Variants in LMNB2 observed in about 807,000 individuals in gnomAD.
LMNB2 encodes lamin B2.
Under a neutral mutation model 69.3 loss-of-function variants are expected in LMNB2, and 17 were observed. The observed-to-expected ratio is 0.25, with a 90% confidence interval of 0.17 to 0.37. The LOEUF (loss-of-function observed/expected upper bound fraction) is 0.37. Among genes scored for constraint, LMNB2 ranks in the 10% least tolerant of loss-of-function variants. The pLI, the probability that LMNB2 is intolerant of heterozygous loss-of-function variation, is 1.00. For synonymous variants in LMNB2, 397 were observed against 389.3 expected (o/e 1.02, Z -0.23); for missense variants, 789 against 883.6 (o/e 0.89, Z 1.36).
intron 4 of LMNB2, among the ~76,000 whole-genome samples, chr19:2,435,415 C>T (rs1025495736): frequency 2.7e-4 from 41 of 152,154 alleles, no homozygotes; most frequent in African/African-American, 9.4e-4. Flanking sequence ...ACCTTGAGGA[C>T]GTCACACTCA....
At chr19:2,432,320 C>CA in intron 9 of LMNB2, 96 bp downstream of exon 9, 1 of 855,990 alleles carries the variant, frequency 1.2e-6, no homozygotes, top group Non-Finnish European at 1.9e-6. Context: ...CCACCATCAT[C>CA]CCCACCCACC....
chr19:2,455,717 G>A (rs1972079067), intron 1 of LMNB2, among the ~76,000 whole-genome samples: 2 of 151,138 alleles, frequency 1.3e-5, no homozygotes, highest in South Asian at 4.2e-4. Flanking sequence ...CAAGAGAATG[G>A]GCCACTCCGG....
chr19:2,431,456 G>A, intron 11 of LMNB2, 92 bp downstream of exon 11: 1 of 1,549,254 alleles, frequency 6.5e-7, no homozygotes, highest in South Asian at 1.1e-5. Flanking sequence ...CTCCCGTCGG[G>A]GATGCGGCCA....
At position 2,434,891 on chromosome 19, in the gene LMNB2, G is replaced by A. The variant is rs1371510613; in HGVS notation, c.878C>T (p.Ser293Phe). The A allele has an allele frequency of 1.2e-6, 2 of 1,605,888 alleles. No homozygotes were observed. The highest frequency in any genetic ancestry group is 1.7e-6 in the Non-Finnish European group (2 of 1,179,304). Residue 293 changes from serine (S) to phenylalanine (F), a missense_variant, in exon 6 of 12, where the codon TCT (serine) becomes TTT (phenylalanine). Ser to Phe is a radical substitution (Grantham distance 155, BLOSUM62 -2). This residue lies in a region of LMNB2 where 609 missense variants were observed against 630.9 expected (regional missense o/e 0.97). Transcript: ENST00000325327. ...QAKLDSAKLS[S>F]DQNDKAASAA... ...ACTGGCCGCCTTGTCGTTCTGGTCAGAGCTCAGCTTGGCGCTGTCCAGCTG... is the reference window on the plus strand; with the variant it reads ...ACTGGCCGCCTTGTCGTTCTGGTCAAAGCTCAGCTTGGCGCTGTCCAGCTG...
At position 2,434,523 on chromosome 19, in the gene LMNB2, G is replaced by A. The variant is rs767292574; in HGVS notation, c.982-8C>T. 9.9e-6 allele frequency: 16 copies of A among 1,610,542 alleles called. No homozygotes were observed. The highest frequency in any genetic ancestry group is 6.7e-5 in the Admixed American group (4 of 59,964). ...ATCTTCAGCGGCACTGGCCTGCGGA[G>A]GGGGCGGGTGGCGAAGGTCAGGGCA... On this transcript the variant is annotated splice_polypyrimidine_tract_variant and splice_region_variant and intron_variant, in intron 6 of 11. Transcript: ENST00000325327.
At chr19:2,450,056 C>A (rs1972002078) in intron 1 of LMNB2, among the ~76,000 whole-genome samples, 1 of 147,088 alleles carries the variant, frequency 6.8e-6, no homozygotes, top group Admixed American at 6.8e-5. Context: ...GCCTGGGCAA[C>A]AGAGTGAAAC....
intron 1 of LMNB2, among the ~76,000 whole-genome samples, chr19:2,446,945 C>A (rs1044665073): frequency 1.3e-5 from 2 of 152,174 alleles, no homozygotes; most frequent in South Asian, 2.1e-4. Flanking sequence ...TCGAGACCAT[C>A]CTGGCTAACA....
At chr19:2,452,581 C>A (rs527662969) in intron 1 of LMNB2, among the ~76,000 whole-genome samples, 49 of 152,082 alleles carry the variant, frequency 3.2e-4, no homozygotes, top group African/African-American at 1.1e-3. Context: ...CAAAAATTAG[C>A]CGGGTGTGGT....
chr19:2,448,231 G>C (rs1017178521), intron 1 of LMNB2, among the ~76,000 whole-genome samples: 1 of 152,194 alleles, frequency 6.6e-6, no homozygotes, highest in African/African-American at 2.4e-5. Flanking sequence ...AAACAGCTGG[G>C]CACCAGGTGC....
At chr19:2,454,920 G>A (rs1027769459) in intron 1 of LMNB2, among the ~76,000 whole-genome samples, 2 of 151,950 alleles carry the variant, frequency 1.3e-5, no homozygotes, top group Non-Finnish European at 2.9e-5. Context: ...AGACTTTCCC[G>A]CCTCTTCTCC....
At chr19:2,446,837 C>T (rs1432849845) in intron 1 of LMNB2, among the ~76,000 whole-genome samples, 1 of 152,202 alleles carries the variant, frequency 6.6e-6, no homozygotes, top group Non-Finnish European at 1.5e-5. Context: ...CACATCCATG[C>T]ATGTTTGAAA....
chr19:2,434,978 G>A lies in LMNB2; in HGVS notation c.855+23C>T, dbSNP rs200161066. ...GGCGGGGTTCCCACCGGCCGCCCCC[G>A]CCCACCCGCCTGCCGGCCACACCTT... On this transcript the variant is annotated intron_variant, in intron 5 of 11. Coordinates refer to ENST00000325327, the MANE Select transcript of LMNB2 (RefSeq NM_032737.4). 2.0e-4 allele frequency: 144 copies of A among 720,674 alleles called. No homozygotes were observed. In the East Asian group the frequency reaches 4.0e-3, roughly 20 times the overall value. The allele number at this position is 720,674 out of a possible 1,614,324, so 44.6% of individuals were successfully genotyped here. A position where few individuals can be genotyped will look rare whatever the true frequency, so the allele number is the denominator to read the frequency against.
In LMNB2 at chr19:2,430,806, T is replaced by C; in HGVS notation, c.*105A>G. On this transcript the variant is annotated 3_prime_UTR_variant, in exon 12 of 12. Coordinates refer to ENST00000325327, the MANE Select transcript of LMNB2 (RefSeq NM_032737.4). ...CACCCACACGTTCTGGCAGTTCGCT[T>C]AGAAATTCTCTAGAAATGTATCAAG... 1.1e-6 allele frequency: 1 copy of C among 882,594 alleles called. No individual in the cohort carries two copies. The highest frequency in any genetic ancestry group is 1.9e-6 in the Non-Finnish European group (1 of 515,844). 54.7% of individuals were successfully genotyped at this position (882,594 alleles called of 1,614,324 possible). A position where few individuals can be genotyped will look rare whatever the true frequency, so the allele number is the denominator to read the frequency against.
At position 2,435,015 on chromosome 19, in the gene LMNB2, T is replaced by C; in HGVS notation, c.841A>G (p.Thr281Ala). The change falls in exon 5 of 12, where the codon ACC (threonine) becomes GCC (alanine). Residue 281 changes from threonine (T) to alanine (A), a missense_variant. By Grantham distance (58) the Thr-to-Ala change is moderately conservative. Transcript: ENST00000325327. ...GCCGGCCACACCTTGGCCTGGTAGG[T>C]CTGCTCCAGCTCCAGCTTGTAGAGC... Reference protein sequence around the residue: ...VRLYKLELEQTYQAKLDSAKL... With the variant: ...VRLYKLELEQAYQAKLDSAKL... 6.3e-7 allele frequency: 1 copy of C among 1,579,900 alleles called. No individual in the cohort carries two copies. Among genetic ancestry groups the C allele is most frequent in the South Asian group, 1.1e-5 (1 of 90,594 alleles).
chr19:2,435,438 A>C (rs566422689), intron 4 of LMNB2, among the ~76,000 whole-genome samples: 1 of 152,352 alleles, frequency 6.6e-6, no homozygotes, highest in Admixed American at 6.5e-5. Context: ...GAGAGACGCC[A>C]GACACAAAAG....
At chr19:2,439,913 A>G (rs1971875270) in intron 2 of LMNB2, among the ~76,000 whole-genome samples, 1 of 151,862 alleles carries the variant, frequency 6.6e-6, no homozygotes, top group African/African-American at 2.4e-5. Context: ...TTTTATTTTT[A>G]GTAGAGATGG....
intron 1 of LMNB2, among the ~76,000 whole-genome samples, chr19:2,454,864 G>A (rs1972070578): frequency 6.6e-6 from 1 of 152,070 alleles, no homozygotes. Flanking sequence ...AGGACAGATT[G>A]CACCCAGACC....
intron 4 of LMNB2, 150 bp downstream of exon 4, chr19:2,438,013 A>G: frequency 4.3e-6 from 5 of 1,173,190 alleles, no homozygotes; most frequent in Middle Eastern, 2.6e-4. Context: ...AGCCGAAGCC[A>G]AGGGCACCCT....
At position 2,453,743 on chromosome 19, in the gene LMNB2, C is replaced by G. The variant is rs533281577; in HGVS notation, c.264+2927G>C. ...GCTCCCTCTAGGGCACAGGGCCGGT[C>G]CAATGGGGCGTCCAGTGGGGCTGGG... On this transcript the variant is annotated intron_variant, in intron 1 of 11. Coordinates refer to ENST00000325327, the MANE Select transcript of LMNB2 (RefSeq NM_032737.4). This position sits in a 1 kb window ranked among gnomAD's most constrained non-coding sequence, Gnocchi z 4.4. Among the ~76,000 whole-genome samples the G allele has an allele frequency of 1.4e-3, 214 of 152,288 alleles. 1 individual carries two copies. The highest frequency in any genetic ancestry group is 5.1e-3 in the African/African-American group (211 of 41,558).
Sources: gnomAD v4.1 joint callset for allele counts (sites outside exome capture counted in the v4.1 genomes callset) on GRCh38, gnomAD v4.1.1 for gene constraint, gnomAD v4.1.1 regional missense constraint, Gnocchi (gnomAD v3.1) non-coding constraint, MANE v1.5 for transcripts, NCBI Gene and HGNC (gene_info 2026-07-23, HGNC 2026-07-21) for gene names.